The following FDPS variants were observed in gnomAD, a reference collection of about 807,000 sequenced individuals.
The protein encoded by FDPS is farnesyl pyrophosphate synthase.
Under a neutral mutation model 49.5 loss-of-function variants are expected in FDPS, and 29 were observed. The observed-to-expected ratio is 0.59, with a 90% CI of 0.44 to 0.80. The LOEUF (loss-of-function observed/expected upper bound fraction) is 0.80, where lower values mean the gene tolerates loss of function less well. Ranked by LOEUF, FDPS falls within the 30% of genes least tolerant of loss-of-function variation. The pLI is 0.00. For missense variants in FDPS, 414 were observed against 525.6 expected (o/e 0.79, Z 2.08); for synonymous variants, 172 against 206.4 (o/e 0.83, Z 1.43).
chr1:155,318,618 C>A lies in FDPS; in HGVS notation c.685-47C>A. On this transcript the variant is annotated intron_variant, in intron 6 of 10. Coordinates refer to ENST00000368356, the MANE Select transcript of FDPS (RefSeq NM_002004.4). This position sits in a 1 kb window ranked among gnomAD's most constrained non-coding sequence, Gnocchi z 4.2. ...TTGGGCTTGGGATACCAGGGTTTCG[C>A]ATATCTGGAGAAAGCCTGGCTCATG... 7.0e-7 allele frequency: 1 copy of A among 1,425,528 alleles called. No individual in the cohort carries two copies. Among genetic ancestry groups the A allele is most frequent in the Non-Finnish European group, 9.9e-7 (1 of 1,008,836 alleles). The allele number at this position is 1,425,528 out of a possible 1,614,324, so 88.3% of individuals were successfully genotyped here.
intron 4 of FDPS, chr1:155,316,836 T>G (rs1158809499): frequency 6.6e-6 from 1 of 152,108 alleles, no homozygotes; most frequent in Non-Finnish European, 1.5e-5. Context: ...AAAACATAGT[T>G]TGACTGACTG....
chr1:155,318,323 G>A lies in FDPS; in HGVS notation c.684+32G>A. The A allele has an allele frequency of 6.2e-7, 1 of 1,605,246 alleles. No homozygotes were observed. The highest frequency in any genetic ancestry group is 1.7e-5 in the Admixed American group (1 of 60,000). The stretch of plus-strand genomic sequence containing the variant: ...TGCAGACAGGGCCCGATGCCCAGAG[G>A]GTGCCCATGGTAGCCTTGGCCTCTA... On this transcript the variant is annotated intron_variant, in intron 6 of 10. Transcript: ENST00000368356. The surrounding 1 kb of genome is among the most constrained non-coding windows in gnomAD (Gnocchi z 4.2).
chr1:155,314,188 A>AT (rs34299252), intron 4 of FDPS, among the ~76,000 whole-genome samples: 29,032 of 140,920 alleles, frequency 0.21, 3,623 homozygotes, highest in East Asian at 0.71. Context: ...AAAATTTTTA[A>AT]TTTTTTTTTT....
Position 155,318,371 on chromosome 1 carries a change from T to C in FDPS, c.684+80T>C. The C allele has an allele frequency of 6.4e-7, 1 of 1,566,158 alleles. No homozygotes were observed. Among genetic ancestry groups the C allele is most frequent in the Non-Finnish European group, 8.7e-7 (1 of 1,150,662 alleles). Reference sequence around the variant, plus strand: ...CTATAGGACATGCTCATCTAGCTGGTTTCAGGGTACAGGATTGCAGCGTGC... The same window carrying C: ...CTATAGGACATGCTCATCTAGCTGGCTTCAGGGTACAGGATTGCAGCGTGC... On this transcript the variant is annotated intron_variant, in intron 6 of 10. Transcript: ENST00000368356. The surrounding 1 kb of genome is among the most constrained non-coding windows in gnomAD (Gnocchi z 4.2).
In FDPS at chr1:155,320,489, C is replaced by T; in HGVS notation, c.1140C>T (p.Phe380=). 4.3e-6 allele frequency: 7 copies of T among 1,614,010 alleles called. No individual in the cohort carries two copies. The highest frequency in any genetic ancestry group is 5.1e-6 in the Non-Finnish European group (6 of 1,180,022). Residue 380 remains phenylalanine (F), a synonymous_variant, in exon 11 of 11, where the codon TTC becomes TTT. Coordinates refer to ENST00000368356, the MANE Select transcript of FDPS (RefSeq NM_002004.4). ...AGGAGCTGGATCTGCCAGCAGTGTT[C>T]TTGCAATATGAGGAAGACAGTTACA... The part of the protein sequence containing the change: ...LYEELDLPAV[F]LQYEEDSYSH...
chr1:155,312,158 G>A, intron 3 of FDPS, 97 bp from the exon 4 acceptor site: 1 of 1,424,384 alleles, frequency 7.0e-7, no homozygotes, highest in Non-Finnish European at 9.8e-7. Flanking sequence ...GGAGGATAAA[G>A]TTAGGTGGTG....
At position 155,310,143 on chromosome 1, in the gene FDPS, G is replaced by C. The variant is rs751222446; in HGVS notation, c.277G>C (p.Val93Leu). Reference protein sequence around the residue: ...FVQHFSQIVRVLTEDEMGHPE... With the variant: ...FVQHFSQIVRLLTEDEMGHPE... ...TCAGCACTTCTCCCAGATCGTTAGG[G>C]TGCTGACTGAGGATGAGATGGGGCA... The change falls in exon 3 of 11, where the codon GTG (valine) becomes CTG (leucine). Residue 93 changes from valine to leucine, a missense_variant. Coordinates refer to ENST00000368356, the MANE Select transcript of FDPS (RefSeq NM_002004.4). 12 of 1,613,836 alleles carry C rather than the reference G, an allele frequency of 7.4e-6. No individual in the cohort carries two copies. The Admixed American group carries it at 2.0e-4, about 27-fold the overall frequency.
intron 1 of FDPS, chr1:155,309,587 T>A: frequency 2.0e-6 from 1 of 502,868 alleles, no homozygotes. Context: ...TGGTGATTAG[T>A]TGGGTCTCAG....
Position 155,310,193 on chromosome 1 carries a change from C to T in FDPS, c.327C>T (p.Ala109=), listed in dbSNP as rs772185955. The change falls in exon 3 of 11, where the codon GCC becomes GCT. Residue 109 remains alanine, a synonymous_variant. Coordinates refer to ENST00000368356, the MANE Select transcript of FDPS (RefSeq NM_002004.4). ...ACCCAGAGATAGGAGATGCTATTGC[C>T]CGGCTCAAGGAGGTGAGGGATTCAT... The part of the protein sequence containing the change: ...MGHPEIGDAI[A]RLKEVLEYNA... The T allele has an allele frequency of 1.1e-5, 18 of 1,613,728 alleles. No individual in the cohort carries two copies. The highest frequency in any genetic ancestry group is 1.7e-5 in the Admixed American group (1 of 59,976).
At chr1:155,314,220 C>T (rs1649086797) in intron 4 of FDPS, among the ~76,000 whole-genome samples, 1 of 149,014 alleles carries the variant, frequency 6.7e-6, no homozygotes, top group Non-Finnish European at 1.5e-5. Context: ...GGGTCTTACT[C>T]TGTTACCCAG....
chr1:155,309,677 C>A, intron 1 of FDPS, 112 bp from the exon 2 acceptor site: 2 of 975,462 alleles, frequency 2.1e-6, no homozygotes, highest in Non-Finnish European at 2.9e-6. Context: ...GGGAGGGGCA[C>A]TCTGGGCTAA....
At chr1:155,319,719 A>G (rs1220128302) in intron 9 of FDPS, 31 bp downstream of exon 9, 1 of 1,613,868 alleles carries the variant, frequency 6.2e-7, no homozygotes, top group Non-Finnish European at 8.5e-7. Context: ...AGCAGAGAAC[A>G]GGCACCAGCT....
intron 1 of FDPS, chr1:155,309,445 C>T: frequency 5.0e-6 from 1 of 198,246 alleles, no homozygotes; most frequent in East Asian, 1.2e-4. Context: ...CTCAGTTTGG[C>T]TTGTGTAAAA....
rs149315318 is a variant in FDPS, at chr1:155,318,248, G to A, written c.641G>A (p.Arg214Gln). Residue 214 changes from arginine (R) to glutamine (Q), a missense_variant, in exon 6 of 11, where the codon CGG (arginine) becomes CAG (glutamine). Coordinates refer to ENST00000368356, the MANE Select transcript of FDPS (RefSeq NM_002004.4). The surrounding 1 kb of genome is among the most constrained non-coding windows in gnomAD (Gnocchi z 4.2). ...TACCGCCTGCTGAAGCTCTATTGCC[G>A]GGAGCAGCCCTATTACCTGAACCTG... is the stretch of plus-strand genomic sequence containing the variant. The part of the protein sequence containing the change: ...CIYRLLKLYC[R>Q]EQPYYLNLIE... 9.7e-5 allele frequency: 157 copies of A among 1,613,704 alleles called. No homozygotes were observed. Among genetic ancestry groups the A allele is most frequent in the Middle Eastern group, 3.3e-4 (2 of 6,062 alleles).
chr1:155,317,670 T>C, intron 4 of FDPS: 1 of 292,078 alleles, frequency 3.4e-6, no homozygotes, highest in South Asian at 4.4e-5. Flanking sequence ...ACCCTGTCTC[T>C]ACAAAAAATA....
rs1450167469 is a variant in FDPS, at chr1:155,320,590, T to C, written c.1241T>C (p.Ile414Thr). 1 of 1,614,034 alleles carries C rather than the reference T, an allele frequency of 6.2e-7. No homozygotes were observed. Among genetic ancestry groups the C allele is most frequent in the Non-Finnish European group, 8.5e-7 (1 of 1,180,006 alleles). The change falls in exon 11 of 11, where the codon ATC (isoleucine) becomes ACC (threonine). Residue 414 changes from isoleucine to threonine, a missense_variant. Physicochemically the swap from Ile to Thr is moderately conservative, Grantham distance 89. Transcript: ENST00000368356. ...PAVFLGLARK[I>T]YKRRK ...GTCTTTCTGGGGCTTGCGCGCAAAATCTACAAGCGGAGAAAGTGACCTAGA... is the reference window on the plus strand; with the variant it reads ...GTCTTTCTGGGGCTTGCGCGCAAAACCTACAAGCGGAGAAAGTGACCTAGA...
intron 1 of FDPS, chr1:155,309,586 G>C (rs1648566333): frequency 2.0e-6 from 1 of 503,720 alleles, no homozygotes; most frequent in Non-Finnish European, 3.5e-6. Flanking sequence ...GTGGTGATTA[G>C]TTGGGTCTCA....
In FDPS at chr1:155,310,161, A is replaced by G. The variant is rs1648641756; in HGVS notation, c.295A>G (p.Met99Val). The change falls in exon 3 of 11, where the codon ATG (methionine) becomes GTG (valine). Residue 99 changes from methionine (M) to valine (V), a missense_variant. By Grantham distance (21) the Met-to-Val change is conservative. Coordinates refer to ENST00000368356, the MANE Select transcript of FDPS (RefSeq NM_002004.4). ...QIVRVLTEDEMGHPEIGDAIA... is the reference protein window; with the variant it reads ...QIVRVLTEDEVGHPEIGDAIA... The stretch of plus-strand genomic sequence containing the variant: ...CGTTAGGGTGCTGACTGAGGATGAG[A>G]TGGGGCACCCAGAGATAGGAGATGC... 1.2e-6 allele frequency: 2 copies of G among 1,613,760 alleles called. No homozygotes were observed. Among genetic ancestry groups the G allele is most frequent in the African/African-American group, 2.7e-5 (2 of 74,874 alleles).
Position 155,318,644 on chromosome 1 carries a change from G to A in FDPS, c.685-21G>A. 1.9e-6 allele frequency: 3 copies of A among 1,581,322 alleles called. No individual in the cohort carries two copies. The highest frequency in any genetic ancestry group is 2.6e-6 in the Non-Finnish European group (3 of 1,150,232). On this transcript the variant is annotated intron_variant, in intron 6 of 10. Coordinates refer to ENST00000368356, the MANE Select transcript of FDPS (RefSeq NM_002004.4). This position sits in a 1 kb window ranked among gnomAD's most constrained non-coding sequence, Gnocchi z 4.2. ...ATATCTGGAGAAAGCCTGGCTCATG[G>A]ACCGTCTTTGTCTTGCTTAGAGTTC...
Sources: allele counts gnomAD v4.1 joint callset (sites outside exome capture counted in the v4.1 genomes callset), GRCh38; gene constraint gnomAD v4.1.1; non-coding constraint Gnocchi (gnomAD v3.1); transcripts MANE v1.5; gene names NCBI Gene and HGNC (gene_info 2026-07-23, HGNC 2026-07-21).